The following GPHN variants were observed in gnomAD, a reference collection of about 807,000 sequenced individuals.
GPHN encodes the protein gephyrin.
Under a neutral mutation model 95.5 loss-of-function variants are expected in GPHN, and 17 were observed. The ratio of observed to expected loss-of-function variants is 0.18; its 90% CI spans 0.12 to 0.27. GPHN has a LOEUF of 0.27. GPHN is among the 10% of genes least tolerant of loss of function. The pLI, the probability that GPHN is intolerant of heterozygous loss-of-function variation, is 1.00. For missense variants in GPHN, 660 were observed against 978.1 expected, an observed-to-expected ratio of 0.67 and a Z score of 4.34; for synonymous variants, 320 against 322.5, an observed-to-expected ratio of 0.99 and a Z score of 0.08.
intron 16 of GPHN, among the ~76,000 whole-genome samples, chr14:67,118,094 C>T (rs909355140): frequency 1.3e-5 from 2 of 152,090 alleles, no homozygotes; most frequent in African/African-American, 4.8e-5. Flanking sequence ...TTTTCCTCTA[C>T]CCTTGTGAGT....
At chr14:67,121,606 A>C (rs2079012930) in intron 16 of GPHN, among the ~76,000 whole-genome samples, 2 of 152,198 alleles carry the variant, frequency 1.3e-5, no homozygotes, top group East Asian at 3.8e-4. Context: ...GAACATCCTA[A>C]GGTAGAATAA....
chr14:66,915,911 T>C, intron 5 of GPHN, 92 bp from the exon 6 acceptor site: 1 of 791,364 alleles, frequency 1.3e-6, no homozygotes, highest in East Asian at 2.5e-5. Flanking sequence ...GTTGTTCACA[T>C]GTAAAGTAAA....
In GPHN at chr14:66,723,560, TAAAC is replaced by T. The variant is rs1383557284; in HGVS notation, c.143+42379_143+42382del. 2.6e-5 allele frequency among the ~76,000 whole-genome samples: 4 copies of T among 152,082 alleles called. No homozygotes were observed. In the South Asian group the frequency reaches 6.2e-4, roughly 24 times the overall value. On this transcript the variant is annotated intron_variant, in intron 2 of 22. Transcript: ENST00000478722. ...AATATCACAGAAGCAAAAATCCTAA[TAAAC>T]AAAAACCTTGTTTTTGCCTTTTTAA... is the stretch of plus-strand genomic sequence containing the variant.
intron 18 of GPHN, among the ~76,000 whole-genome samples, chr14:67,157,546 A>G (rs181034046): frequency 1.3e-5 from 2 of 152,302 alleles, no homozygotes; most frequent in African/African-American, 2.4e-5. Context: ...GAAACTGGCC[A>G]GATGCGGTTG....
At chr14:66,573,338 C>T (rs1399194229) in intron 1 of GPHN, among the ~76,000 whole-genome samples, 1 of 152,090 alleles carries the variant, frequency 6.6e-6, no homozygotes, top group Non-Finnish European at 1.5e-5. Context: ...ATTTCTCCAT[C>T]AGTCCTGGTA....
intron 4 of GPHN, among the ~76,000 whole-genome samples, chr14:66,856,132 C>A (rs2062794171): frequency 2.0e-5 from 3 of 152,004 alleles, no homozygotes; most frequent in Admixed American, 2.0e-4. Flanking sequence ...TATGCGAGGC[C>A]TTATAACAGT....
intron 10 of GPHN, among the ~76,000 whole-genome samples, chr14:67,048,192 T>C (rs2075131648): frequency 6.6e-6 from 1 of 152,226 alleles, no homozygotes; most frequent in Non-Finnish European, 1.5e-5. Context: ...ATAGTGTCAT[T>C]AGTATTTAAC....
At chr14:67,014,290 C>T (rs1032332840) in intron 9 of GPHN, among the ~76,000 whole-genome samples, 2 of 151,854 alleles carry the variant, frequency 1.3e-5, no homozygotes, top group African/African-American at 4.8e-5. Context: ...TTACAAATAT[C>T]TTATGAGATA....
At chr14:67,627,256 G>GATAGATATATATATATATATATATAT in the GPHN span, among the ~76,000 whole-genome samples, 2 of 133,750 alleles carry the variant, frequency 1.5e-5, no homozygotes, top group African/African-American at 5.9e-5. Flanking sequence ...TCAGTAAGGA[G>GATAGATATATATATATATATATATAT]ATATATATAT....
intron 5 of GPHN, among the ~76,000 whole-genome samples, chr14:66,886,192 A>G (rs914947060): frequency 2.6e-5 from 4 of 152,206 alleles, no homozygotes; most frequent in African/African-American, 9.6e-5. Flanking sequence ...TCAGTTTAAT[A>G]TCATCTTTTA....
intron 5 of GPHN, among the ~76,000 whole-genome samples, chr14:66,913,448 T>G (rs2065767611): frequency 6.6e-6 from 1 of 152,184 alleles, no homozygotes; most frequent in Non-Finnish European, 1.5e-5. Flanking sequence ...TTCAAGCGAT[T>G]CTTCTGCCTC....
intron 2 of GPHN, among the ~76,000 whole-genome samples, chr14:66,739,745 G>A (rs1197459129): frequency 6.6e-6 from 1 of 151,920 alleles, no homozygotes; most frequent in Non-Finnish European, 1.5e-5. Flanking sequence ...CTATGAATAA[G>A]AATCATCAGA....
At chr14:67,043,816 T>G (rs993170718) in intron 10 of GPHN, among the ~76,000 whole-genome samples, 10 of 152,206 alleles carry the variant, frequency 6.6e-5, no homozygotes, top group African/African-American at 2.4e-4. Flanking sequence ...CTACTTTTTG[T>G]GCCTCTGGTA....
At chr14:67,354,412 A>G in the GPHN span, among the ~76,000 whole-genome samples, 1 of 152,206 alleles carries the variant, frequency 6.6e-6, no homozygotes, top group South Asian at 2.1e-4. Context: ...ATATATCAAA[A>G]TTTTAAATGC....
the GPHN span, among the ~76,000 whole-genome samples, chr14:67,225,846 G>A: frequency 2.0e-5 from 3 of 152,010 alleles, no homozygotes; most frequent in Non-Finnish European, 2.9e-5. Flanking sequence ...ACAACACCCA[G>A]TAGCACAGAA....
chr14:67,373,089 G>A, the GPHN span, among the ~76,000 whole-genome samples: 1 of 152,154 alleles, frequency 6.6e-6, no homozygotes, highest in Non-Finnish European at 1.5e-5. Flanking sequence ...TTGCTCATGG[G>A]AATGCAGAGT....
the GPHN span, chr14:67,360,241 C>T: frequency 5.0e-6 from 2 of 399,530 alleles, no homozygotes; most frequent in Non-Finnish European, 4.4e-6. Context: ...TACATTCGTC[C>T]TTGTTCTCGG....
At chr14:66,625,156 A>G (rs993074243) in intron 1 of GPHN, among the ~76,000 whole-genome samples, 1 of 151,970 alleles carries the variant, frequency 6.6e-6, no homozygotes, top group African/African-American at 2.4e-5. Context: ...GATGGTCACT[A>G]TAGCCTTGAC....
intron 11 of GPHN, among the ~76,000 whole-genome samples, chr14:67,084,481 G>T (rs1455286941): frequency 2.0e-5 from 3 of 152,070 alleles, no homozygotes; most frequent in Non-Finnish European, 4.4e-5. Flanking sequence ...CAAGTTTTTG[G>T]TTAGGTGATT....
Sources: gnomAD v4.1 joint callset for allele counts (sites outside exome capture counted in the v4.1 genomes callset) on GRCh38, gnomAD v4.1.1 for gene constraint, MANE v1.5 for transcripts, NCBI Gene and HGNC (gene_info 2026-07-23, HGNC 2026-07-21) for gene names.